The following AUTS2 variants were observed in gnomAD, a reference collection of about 807,000 sequenced individuals.
AUTS2 encodes activator of transcription and developmental regulator AUTS2.
Under a neutral mutation model 112.4 loss-of-function variants are expected in AUTS2, and 17 were observed. That is an observed-to-expected ratio of 0.15 (90% CI 0.10 to 0.23). AUTS2 has a LOEUF of 0.23. Among genes scored for constraint, AUTS2 ranks in the 10% least tolerant of loss-of-function variants. AUTS2 has a pLI of 1.00. For missense variants in AUTS2, 1,510 were observed against 1,701.6 expected (o/e 0.89, Z 1.98); for synonymous variants, 751 against 702.7 (o/e 1.07, Z -1.09).
intron 1 of AUTS2, among the ~76,000 whole-genome samples, chr7:69,841,450 C>CA (rs1405363921): frequency 6.6e-6 from 1 of 152,110 alleles, no homozygotes; most frequent in Non-Finnish European, 1.5e-5. Context: ...TCTCATGATC[C>CA]AAACACCTCC....
At chr7:69,708,004 C>T (rs534260915) in intron 1 of AUTS2, among the ~76,000 whole-genome samples, 18 of 152,104 alleles carry the variant, frequency 1.2e-4, no homozygotes, top group Admixed American at 9.8e-4. Flanking sequence ...TCTTGGGATG[C>T]GTGCCTCTTC....
chr7:69,841,023 C>T (rs1198450838), intron 1 of AUTS2, among the ~76,000 whole-genome samples: 1 of 152,130 alleles, frequency 6.6e-6, no homozygotes, highest in African/African-American at 2.4e-5. Flanking sequence ...TTAACAATGG[C>T]GGTCACCACC....
intron 4 of AUTS2, among the ~76,000 whole-genome samples, chr7:70,299,749 C>T (rs950699407): frequency 1.3e-5 from 2 of 151,778 alleles, no homozygotes; most frequent in Non-Finnish European, 2.9e-5. Flanking sequence ...TTATAGTCCA[C>T]AGGGTTTTAA....
chr7:69,693,592 CA>C (rs1797435546), intron 1 of AUTS2, among the ~76,000 whole-genome samples: 2 of 152,128 alleles, frequency 1.3e-5, no homozygotes, highest in Non-Finnish European at 2.9e-5. Flanking sequence ...TTCATGTGCT[CA>C]TTCAGCTGGG....
chr7:69,930,139 T>G (rs1463458603), intron 2 of AUTS2, among the ~76,000 whole-genome samples: 1 of 152,206 alleles, frequency 6.6e-6, no homozygotes, highest in Admixed American at 6.5e-5. Context: ...AGTTTTTTAG[T>G]CTCTCTCATG....
At chr7:69,984,084 T>C (rs982290702) in intron 2 of AUTS2, among the ~76,000 whole-genome samples, 6 of 152,148 alleles carry the variant, frequency 3.9e-5, no homozygotes, top group African/African-American at 1.4e-4. Context: ...TTGATTCAGA[T>C]TGTAGAGCTG....
At chr7:70,149,322 C>T (rs1807300973) in intron 4 of AUTS2, among the ~76,000 whole-genome samples, 2 of 152,144 alleles carry the variant, frequency 1.3e-5, no homozygotes, top group East Asian at 3.9e-4. Flanking sequence ...GACCAAAAAT[C>T]TTCAGAAACA....
At chr7:70,182,998 C>T (rs1444434511) in intron 4 of AUTS2, among the ~76,000 whole-genome samples, 1 of 152,118 alleles carries the variant, frequency 6.6e-6, no homozygotes, top group Non-Finnish European at 1.5e-5. Context: ...AGCCCGAGTC[C>T]ACTGTGTCCG....
chr7:70,393,983 T>C (rs1793978648), intron 4 of AUTS2, among the ~76,000 whole-genome samples: 1 of 152,222 alleles, frequency 6.6e-6, no homozygotes. Flanking sequence ...ACCTGCTCTA[T>C]TCACTTTGGC....
intron 4 of AUTS2, among the ~76,000 whole-genome samples, chr7:70,148,104 T>C (rs925872114): frequency 6.6e-6 from 1 of 152,060 alleles, no homozygotes; most frequent in African/African-American, 2.4e-5. Flanking sequence ...TAAATGAGCA[T>C]TACTCACAAA....
chr7:70,402,255 G>A (rs1794358055), intron 4 of AUTS2, among the ~76,000 whole-genome samples: 1 of 152,172 alleles, frequency 6.6e-6, no homozygotes, highest in East Asian at 1.9e-4. Context: ...AAAGAATTAC[G>A]CAGAGATGCT....
At chr7:69,674,549 AT>A (rs1796472874) in intron 1 of AUTS2, among the ~76,000 whole-genome samples, 1 of 122,268 alleles carries the variant, frequency 8.2e-6, no homozygotes, top group Non-Finnish European at 1.6e-5. Flanking sequence ...GTTGGTTGTT[AT>A]TGTAATTTTA....
At chr7:69,786,261 A>G (rs998756569) in intron 1 of AUTS2, among the ~76,000 whole-genome samples, 21 of 152,238 alleles carry the variant, frequency 1.4e-4, no homozygotes, top group African/African-American at 5.1e-4. Context: ...TAAATGCACC[A>G]ATCAGCACTC....
chr7:70,633,119 G>A (rs969589344), intron 5 of AUTS2, among the ~76,000 whole-genome samples: 5 of 152,178 alleles, frequency 3.3e-5, no homozygotes, highest in East Asian at 1.9e-4. Flanking sequence ...TTTCAGGGTC[G>A]CTTGGTGAAA....
At chr7:70,089,748 C>T (rs1213433855) in intron 2 of AUTS2, among the ~76,000 whole-genome samples, 1 of 152,062 alleles carries the variant, frequency 6.6e-6, no homozygotes, top group Non-Finnish European at 1.5e-5. Flanking sequence ...GTGTCTCACG[C>T]CTGTAATCCC....
At chr7:70,446,100 A>G (rs1383901313) in intron 5 of AUTS2, among the ~76,000 whole-genome samples, 1 of 152,170 alleles carries the variant, frequency 6.6e-6, no homozygotes, top group Admixed American at 6.5e-5. Context: ...GTTCTGAGTT[A>G]TAATTCGCCC....
chr7:70,527,780 A>G (rs1272508557), intron 5 of AUTS2, among the ~76,000 whole-genome samples: 1 of 152,150 alleles, frequency 6.6e-6, no homozygotes, highest in Non-Finnish European at 1.5e-5. Flanking sequence ...TATTAATGAG[A>G]TAAGATCGAA....
In AUTS2 at chr7:69,599,209, G is replaced by A. The variant is rs1020105958; in HGVS notation, c.-445G>A. 6.5e-6 allele frequency: 1 copy of A among 153,488 alleles called. No individual in the cohort carries two copies. Among genetic ancestry groups the A allele is most frequent in the African/African-American group, 2.4e-5 (1 of 41,438 alleles). 9.5% of individuals were successfully genotyped at this position (153,488 alleles called of 1,614,324 possible). A position where few individuals can be genotyped will look rare whatever the true frequency, so the allele number is the denominator to read the frequency against. On this transcript the variant is annotated 5_prime_UTR_variant, in exon 1 of 19. Transcript: ENST00000342771. The surrounding 1 kb of genome is among the most constrained non-coding windows in gnomAD (Gnocchi z 7.0). ...GGCGCGGGCGTTTTCGGGGGGCGGG[G>A]GGCGCGGCGGAGAATGGCCGCGGGG...
At chr7:70,436,212 G>C (rs1298388364) in intron 5 of AUTS2, 1 of 158,366 alleles carries the variant, frequency 6.3e-6, no homozygotes, top group Non-Finnish European at 1.4e-5. Context: ...CTTCTTGATA[G>C]AAATGTTAAT....
Sources: allele counts gnomAD v4.1 joint callset (sites outside exome capture counted in the v4.1 genomes callset), GRCh38; gene constraint gnomAD v4.1.1; non-coding constraint Gnocchi (gnomAD v3.1); transcripts MANE v1.5; gene names NCBI Gene and HGNC (gene_info 2026-07-23, HGNC 2026-07-21).